The following NR1I2 variants were observed in gnomAD, a reference collection of about 807,000 sequenced individuals.
NR1I2 encodes the protein orphan nuclear receptor PAR1.
Under a neutral mutation model 43.3 loss-of-function variants are expected in NR1I2, and 42 were observed. The ratio of observed to expected loss-of-function variants is 0.97; its 90% CI spans 0.76 to 1.26. The LOEUF (loss-of-function observed/expected upper bound fraction) is 1.26, where lower values mean the gene tolerates loss of function less well. NR1I2 is among the 50% of genes most tolerant of loss of function. The pLI is 0.00. For synonymous variants in NR1I2, 229 were observed against 215.0 expected (o/e 1.06, Z -0.57); for missense variants, 559 against 566.7 (o/e 0.99, Z 0.14).
Position 119,817,501 on chromosome 3 carries a change from A to T in NR1I2, c.*289A>T. 1 of 1,284,016 alleles carries T rather than the reference A, an allele frequency of 7.8e-7. No individual in the cohort carries two copies. The highest frequency in any genetic ancestry group is 1.0e-6 in the Non-Finnish European group (1 of 1,003,252). 79.5% of individuals were successfully genotyped at this position (1,284,016 alleles called of 1,614,324 possible). A position where few individuals can be genotyped will look rare whatever the true frequency, so the allele number is the denominator to read the frequency against. ...AGAGGCAAGGTTGCCCTTTCCTTTTAAAAGGCCCTGTGGTCTGGGGAGAAA... is the reference window on the plus strand; with the variant it reads ...AGAGGCAAGGTTGCCCTTTCCTTTTTAAAGGCCCTGTGGTCTGGGGAGAAA... On this transcript the variant is annotated 3_prime_UTR_variant, in exon 9 of 9. Transcript: ENST00000393716.
rs1324938179 is a variant in NR1I2 at position 119,807,221 on chromosome 3, A to G, written c.-22-8A>G. On this transcript the variant is annotated splice_polypyrimidine_tract_variant and splice_region_variant and intron_variant, in intron 1 of 8. Transcript: ENST00000393716. ...TCTTTTCATTCTCTGTGGTTTTCTC[A>G]TTTCTAGTCCAAGAGGCCCAGAAGC... 6.8e-6 allele frequency: 11 copies of G among 1,612,682 alleles called. No individual in the cohort carries two copies. Among genetic ancestry groups the G allele is most frequent in the Non-Finnish European group, 9.3e-6 (11 of 1,178,980 alleles).
At chr3:119,813,034 T>C in intron 5 of NR1I2, 74 bp downstream of exon 5, 1 of 1,515,518 alleles carries the variant, frequency 6.6e-7, no homozygotes, top group Non-Finnish European at 9.1e-7. Context: ...GGGCCTGGGG[T>C]AGATCCTGAA....
At position 119,818,197 on chromosome 3, in the gene NR1I2, A is replaced by G; in HGVS notation, c.*985A>G. On this transcript the variant is annotated 3_prime_UTR_variant, in exon 9 of 9. Transcript: ENST00000393716. ...GGCCTGGGTTTGTTCCTGGGGCTGG[A>G]ATGCTGGGTATGCTCTGTGACAAGG... 1.0e-6 allele frequency: 1 copy of G among 985,756 alleles called. No individual in the cohort carries two copies. The highest frequency in any genetic ancestry group is 4.7e-5 in the South Asian group (1 of 21,282). The allele number at this position is 985,756 out of a possible 1,614,324, so 61.1% of individuals were successfully genotyped here.
At chr3:119,805,248 G>A (rs2055140712) in intron 1 of NR1I2, among the ~76,000 whole-genome samples, 2 of 151,866 alleles carry the variant, frequency 1.3e-5, no homozygotes. Context: ...TTTTTGGTTT[G>A]TTTTGTTTTG....
chr3:119,794,358 A>G (rs1023803178), intron 1 of NR1I2, among the ~76,000 whole-genome samples: 1 of 150,672 alleles, frequency 6.6e-6, no homozygotes, highest in East Asian at 2.0e-4. Flanking sequence ...ACACTTGGCT[A>G]ATTTTTAAAT....
chr3:119,809,551 G>A (rs972103260), intron 2 of NR1I2, among the ~76,000 whole-genome samples: 4 of 137,864 alleles, frequency 2.9e-5, no homozygotes, highest in South Asian at 5.5e-4. Flanking sequence ...GGGGGGTGGG[G>A]GGAAGGCGGG....
chr3:119,816,981 A>G, intron 8 of NR1I2, 87 bp from the exon 9 acceptor site: 2 of 1,557,286 alleles, frequency 1.3e-6, no homozygotes, highest in Admixed American at 3.3e-5. Context: ...ATGTCCAGAG[A>G]TTATGCTTGT....
intron 8 of NR1I2, among the ~76,000 whole-genome samples, chr3:119,816,333 G>C (rs2055327873): frequency 6.6e-6 from 1 of 152,082 alleles, no homozygotes; most frequent in Non-Finnish European, 1.5e-5. Context: ...GGGATACTGA[G>C]GCATATGGTA....
rs994175941 is a variant in NR1I2, at chr3:119,783,037, A to G, written c.-23+737A>G. ...TAGGACAGGTCAACAGACACCTCTG[A>G]GGCCACTGAGTCTTGACTCAATGAA... On this transcript the variant is annotated intron_variant, in intron 1 of 8. Transcript: ENST00000393716. Among the ~76,000 whole-genome samples the G allele has an allele frequency of 4.6e-5, 7 of 152,168 alleles. No homozygotes were observed. In the South Asian group the frequency reaches 1.4e-3, roughly 32 times the overall value.
rs2055357767 is a variant in NR1I2, at chr3:119,818,312, G to A, written c.*1100G>A. 1.4e-5 allele frequency: 14 copies of A among 985,302 alleles called. No individual in the cohort carries two copies. The highest frequency in any genetic ancestry group is 1.7e-5 in the Non-Finnish European group (14 of 829,894). The allele number at this position is 985,302 out of a possible 1,614,324, so 61.0% of individuals were successfully genotyped here. On this transcript the variant is annotated 3_prime_UTR_variant, in exon 9 of 9. Transcript: ENST00000393716. ...TACACATCTATTCTCAAAGCTAAAG[G>A]GTATGAAAGTGCCTGCCTTGTTTAT...
intron 1 of NR1I2, among the ~76,000 whole-genome samples, chr3:119,791,411 A>C (rs1480061670): frequency 6.6e-6 from 1 of 152,070 alleles, no homozygotes; most frequent in African/African-American, 2.4e-5. Context: ...CCTATGTAAC[A>C]CCATTTGTCC....
chr3:119,797,519 T>C (rs900124353), intron 1 of NR1I2, among the ~76,000 whole-genome samples: 4 of 152,228 alleles, frequency 2.6e-5, no homozygotes, highest in Middle Eastern at 3.4e-3. Context: ...ATACAGACAA[T>C]TATAGAGGAG....
At chr3:119,809,813 T>C (rs534212936) in intron 2 of NR1I2, among the ~76,000 whole-genome samples, 3 of 152,244 alleles carry the variant, frequency 2.0e-5, no homozygotes, top group African/African-American at 7.2e-5. Flanking sequence ...AAAGCACGTG[T>C]CCCATTTCCT....
At chr3:119,787,762 C>CGT (rs2054863527) in intron 1 of NR1I2, among the ~76,000 whole-genome samples, 1 of 134,280 alleles carries the variant, frequency 7.4e-6, no homozygotes, top group Non-Finnish European at 1.6e-5. Flanking sequence ...TTTAATTATG[C>CGT]GTGTGTGTAT....
chr3:119,816,030 A>G (rs2055324167), intron 8 of NR1I2, among the ~76,000 whole-genome samples, 199 bp downstream of exon 8: 12 of 152,188 alleles, frequency 7.9e-5, no homozygotes, highest in Admixed American at 7.9e-4. Context: ...TGGCCCAGAA[A>G]GGGGCTTCTA....
intron 8 of NR1I2, among the ~76,000 whole-genome samples, chr3:119,816,394 C>A (rs984345072): frequency 6.6e-6 from 1 of 152,142 alleles, no homozygotes; most frequent in African/African-American, 2.4e-5. Context: ...TTCCAGCCTG[C>A]AGCCCCTAAC....
At chr3:119,813,067 A>C (rs1193183620) in intron 5 of NR1I2, 107 bp downstream of exon 5, 2 of 1,256,704 alleles carry the variant, frequency 1.6e-6, no homozygotes, top group Middle Eastern at 2.2e-4. Context: ...TGGTGTCAGA[A>C]GACCCTCCTT....
chr3:119,782,710 G>T (rs777679891), intron 1 of NR1I2: 2 of 1,374,004 alleles, frequency 1.5e-6, no homozygotes, highest in Admixed American at 1.7e-5. Flanking sequence ...GATTCCTTTT[G>T]GCCTGCTGGG....
At chr3:119,792,929 G>A (rs1273817315) in intron 1 of NR1I2, among the ~76,000 whole-genome samples, 2 of 152,046 alleles carry the variant, frequency 1.3e-5, no homozygotes, top group East Asian at 1.9e-4. Context: ...TTGGAGGTAG[G>A]CCTAGTGGGA....
Sources: allele counts gnomAD v4.1 joint callset (sites outside exome capture counted in the v4.1 genomes callset), GRCh38; gene constraint gnomAD v4.1.1; transcripts MANE v1.5; gene names NCBI Gene and HGNC (gene_info 2026-07-23, HGNC 2026-07-21).